Variants in EXD3 observed in about 807,000 individuals in gnomAD.
The protein encoded by EXD3 is exonuclease 3'-5' domain containing 3.
In EXD3, 92 loss-of-function variants were observed where a neutral mutation model predicts 98.0. The observed-to-expected ratio is 0.94, with a 90% confidence interval of 0.79 to 1.12. The LOEUF is 1.12. EXD3 is among the 50% of genes most tolerant of loss of function. The pLI, the probability that EXD3 is intolerant of heterozygous loss-of-function variation, is 0.00. For synonymous variants in EXD3, 569 were observed against 526.0 expected, an observed-to-expected ratio of 1.08 and a Z score of -1.12; for missense variants, 1,222 against 1,191.6, an observed-to-expected ratio of 1.03 and a Z score of -0.38.
intron 8 of EXD3, among the ~76,000 whole-genome samples, chr9:137,355,375 G>A (rs1834580815): frequency 6.6e-6 from 1 of 151,736 alleles, no homozygotes; most frequent in African/African-American, 2.4e-5. Flanking sequence ...CGCCCAGAGC[G>A]CAGCCACGGG....
intron 17 of EXD3, among the ~76,000 whole-genome samples, chr9:137,341,656 AGG>A (rs1196580324): frequency 2.3e-4 from 13 of 57,598 alleles, no homozygotes; most frequent in African/African-American, 7.7e-4. Context: ...GCCGTCTCCC[AGG>A]GGAGTCAGAG....
At chr9:137,314,767 G>C (rs1323746515) in intron 19 of EXD3, among the ~76,000 whole-genome samples, 2 of 152,186 alleles carry the variant, frequency 1.3e-5, no homozygotes, top group Non-Finnish European at 2.9e-5. Flanking sequence ...AAGGTCCCTG[G>C]GGGTCGGGAC....
rs553532614 is a variant in EXD3, at chr9:137,406,249, A to G, written c.-47-10845T>C. Reference sequence around the variant, plus strand: ...AAAAAGAAAAGAAAGAAAAGAAAAGAAAAGGAAAGGAAAAGAAAGAAAATA... The same window carrying G: ...AAAAAGAAAAGAAAGAAAAGAAAAGGAAAGGAAAGGAAAAGAAAGAAAATA... On this transcript the variant is annotated intron_variant, in intron 1 of 21. Coordinates refer to ENST00000340951, the MANE Select transcript of EXD3 (RefSeq NM_017820.5). 4.6e-5 allele frequency among the ~76,000 whole-genome samples: 7 copies of G among 151,738 alleles called. No homozygotes were observed. The South Asian group carries it at 1.0e-3, about 23-fold the overall frequency.
intron 17 of EXD3, among the ~76,000 whole-genome samples, chr9:137,344,133 C>T (rs565251595): frequency 6.6e-5 from 10 of 151,864 alleles, no homozygotes; most frequent in Admixed American, 2.6e-4. Context: ...CCTGGTGATC[C>T]GCCCACCTCG....
intron 1 of EXD3, among the ~76,000 whole-genome samples, chr9:137,420,492 T>C (rs1838460983): frequency 6.6e-6 from 1 of 152,192 alleles, no homozygotes; most frequent in Non-Finnish European, 1.5e-5. Context: ...AGGACACAAT[T>C]GGAGACCCTG....
intron 19 of EXD3, among the ~76,000 whole-genome samples, chr9:137,322,205 C>T (rs542613441): frequency 1.3e-5 from 2 of 152,300 alleles, no homozygotes; most frequent in African/African-American, 2.4e-5. Context: ...GGGACTTCCA[C>T]AATTTCCCTC....
At position 137,362,245 on chromosome 9, in the gene EXD3, T is replaced by C. The variant is rs112416791; in HGVS notation, c.656+4248A>G. ...GACAGACCAAGATCCCTCATGGACA[T>C]GGATGCAAACATCCCTAACAAAATT... is the stretch of plus-strand genomic sequence containing the variant. On this transcript the variant is annotated intron_variant, in intron 7 of 21. Coordinates refer to ENST00000340951, the MANE Select transcript of EXD3 (RefSeq NM_017820.5). Among the ~76,000 whole-genome samples, 473 of 152,272 alleles carry C rather than the reference T, an allele frequency of 3.1e-3. 7 individuals are homozygous for C. Among genetic ancestry groups the C allele is most frequent in the African/African-American group, 0.011 (454 of 41,564 alleles).
intron 17 of EXD3, among the ~76,000 whole-genome samples, chr9:137,335,524 C>CA (rs1345318807): frequency 6.6e-6 from 1 of 151,984 alleles, no homozygotes; most frequent in Non-Finnish European, 1.5e-5. Context: ...GCTAAAAATA[C>CA]AAAAAATTAG....
intron 1 of EXD3, among the ~76,000 whole-genome samples, chr9:137,422,112 T>TG (rs1838550363): frequency 8.4e-6 from 1 of 119,504 alleles, no homozygotes; most frequent in Non-Finnish European, 1.8e-5. Context: ...GTGGTGTTCT[T>TG]AAAAAAAAAA....
chr9:137,386,778 T>G (rs1288035659), intron 2 of EXD3, among the ~76,000 whole-genome samples: 1 of 146,130 alleles, frequency 6.8e-6, no homozygotes, highest in Non-Finnish European at 1.5e-5. Flanking sequence ...GCTCCCTGCC[T>G]GCCTCCCTCA....
Position 137,354,350 on chromosome 9 carries a change from C to T in EXD3, c.859G>A (p.Asp287Asn), listed in dbSNP as rs200800168. The change falls in exon 10 of 22, where the codon GAC (aspartate) becomes AAC (asparagine). Residue 287 changes from aspartate (D) to asparagine (N), a missense_variant. Asp to Asn is a conservative substitution (Grantham distance 23). Transcript: ENST00000340951. ...EKSLSQENWTDHVQGLVGQSP... is the reference protein window; with the variant it reads ...EKSLSQENWTNHVQGLVGQSP... ...GGGCACGAACTCACCTGCACATGGT[C>T]GGTCCAGTTCTCCTGTGACAGGCTC... 2,865 of 1,612,280 alleles carry T rather than the reference C, an allele frequency of 1.8e-3. 3 individuals carry two copies. The highest frequency in any genetic ancestry group is 2.3e-3 in the Non-Finnish European group (2,732 of 1,179,728).
intron 1 of EXD3, among the ~76,000 whole-genome samples, chr9:137,420,010 ATT>A (rs1838433646): frequency 1.3e-5 from 2 of 152,056 alleles, no homozygotes; most frequent in Non-Finnish European, 2.9e-5. Context: ...ATACAAAAAA[ATT>A]AGCCGGGCAT....
At chr9:137,367,710 A>C in intron 6 of EXD3, 1 of 505,444 alleles carries the variant, frequency 2.0e-6, no homozygotes, top group Non-Finnish European at 3.6e-6. Context: ...GCTTCAGGGG[A>C]CAGCTGGACA....
intron 21 of EXD3, 40 bp from the exon 22 acceptor site, chr9:137,307,303 CG>C (rs1209337440): frequency 3.4e-6 from 5 of 1,450,176 alleles, no homozygotes; most frequent in Non-Finnish European, 4.5e-6. Context: ...CCTCAGCCTT[CG>C]GGCACGGCCC....
intron 14 of EXD3, 63 bp downstream of exon 14, chr9:137,350,975 C>G: frequency 6.9e-7 from 1 of 1,445,832 alleles, no homozygotes; most frequent in Non-Finnish European, 9.4e-7. Context: ...GTGGAGGGGC[C>G]CCAAGCAGCC....
intron 1 of EXD3, among the ~76,000 whole-genome samples, chr9:137,416,404 T>C (rs1430888419): frequency 6.6e-6 from 1 of 152,148 alleles, no homozygotes; most frequent in Admixed American, 6.5e-5. Flanking sequence ...CAGGTCCAGC[T>C]CACACTCCAC....
In EXD3 at chr9:137,405,444, C is replaced by T. The variant is rs943300803; in HGVS notation, c.-47-10040G>A. On this transcript the variant is annotated intron_variant, in intron 1 of 21. Transcript: ENST00000340951. This position sits in a 1 kb window ranked among gnomAD's most constrained non-coding sequence, Gnocchi z 4.1. ...TCCGTGGCCCAAGGATTTGCAGAGC[C>T]GCGGACGGAGCCCAGGGCGGCCGTC... Among the ~76,000 whole-genome samples, 6 of 152,240 alleles carry T rather than the reference C, an allele frequency of 3.9e-5. No individual in the cohort carries two copies. The highest frequency in any genetic ancestry group is 9.6e-5 in the African/African-American group (4 of 41,470).
intron 2 of EXD3, among the ~76,000 whole-genome samples, chr9:137,394,046 G>A (rs889335860): frequency 6.6e-6 from 1 of 152,146 alleles, no homozygotes; most frequent in Non-Finnish European, 1.5e-5. Flanking sequence ...GCCCGTCCCC[G>A]GCACAGAGAG....
intron 2 of EXD3, among the ~76,000 whole-genome samples, chr9:137,384,752 A>T (rs1375119814): frequency 6.6e-6 from 1 of 152,198 alleles, no homozygotes; most frequent in Admixed American, 6.5e-5. Flanking sequence ...TTCAAAAATC[A>T]CTTACAACAG....
Sources: gnomAD v4.1 joint callset for allele counts (sites outside exome capture counted in the v4.1 genomes callset) on GRCh38, gnomAD v4.1.1 for gene constraint, Gnocchi (gnomAD v3.1) non-coding constraint, MANE v1.5 for transcripts, NCBI Gene and HGNC (gene_info 2026-07-23, HGNC 2026-07-21) for gene names.